Variants in PDE8B observed in about 807,000 individuals in gnomAD.
PDE8B encodes high affinity cAMP-specific and IBMX-insensitive 3',5'-cyclic phosphodiesterase 8B.
PDE8B carries 26 observed loss-of-function variants against 101.3 expected under a neutral mutation model. That is an observed-to-expected ratio of 0.26 (90% CI 0.19 to 0.36). The LOEUF (loss-of-function observed/expected upper bound fraction) is 0.36, where lower values mean the gene tolerates loss of function less well. Among genes scored for constraint, PDE8B ranks in the 10% least tolerant of loss-of-function variants. The probability of loss-of-function intolerance (pLI) is 1.00; values close to 1 mark genes in which losing one functional copy is unlikely to be tolerated. For synonymous variants in PDE8B, 424 were observed against 429.3 expected (o/e 0.99, Z 0.15); for missense variants, 810 against 1,163.1 (o/e 0.70, Z 4.42).
intron 7 of PDE8B, among the ~76,000 whole-genome samples, chr5:77,349,169 ACAGG>A (rs1780650846): frequency 6.6e-6 from 1 of 152,052 alleles, no homozygotes; most frequent in Non-Finnish European, 1.5e-5. Context: ...CTGATATCCT[ACAGG>A]GGATCAGGAT....
chr5:77,247,628 C>T (rs957915264), intron 1 of PDE8B, among the ~76,000 whole-genome samples: 9 of 152,134 alleles, frequency 5.9e-5, no homozygotes, highest in African/African-American at 2.2e-4. Flanking sequence ...ACCCTTCATC[C>T]TCATGAGATC....
the PDE8B span, among the ~76,000 whole-genome samples, chr5:77,178,216 CT>C: frequency 6.6e-6 from 1 of 151,918 alleles, no homozygotes; most frequent in African/African-American, 2.4e-5. Context: ...TGCCTTTATC[CT>C]TCCTCATCAT....
the PDE8B span, among the ~76,000 whole-genome samples, chr5:77,152,767 G>A: frequency 2.1e-5 from 3 of 143,758 alleles, no homozygotes; most frequent in Non-Finnish European, 3.1e-5. Context: ...CCCTGCCCTC[G>A]CCCTCACCCT....
chr5:77,124,257 G>C, the PDE8B span, among the ~76,000 whole-genome samples: 1 of 152,146 alleles, frequency 6.6e-6, no homozygotes, highest in Non-Finnish European at 1.5e-5. Flanking sequence ...AAACAACAGA[G>C]ACTATGGAAT....
At chr5:77,103,681 G>A in the PDE8B span, among the ~76,000 whole-genome samples, 1 of 152,168 alleles carries the variant, frequency 6.6e-6, no homozygotes, top group Non-Finnish European at 1.5e-5. Flanking sequence ...TGTGGGGAAG[G>A]GTGATGAGGG....
the PDE8B span, among the ~76,000 whole-genome samples, chr5:77,095,109 A>G: frequency 4.6e-5 from 7 of 152,224 alleles, no homozygotes; most frequent in African/African-American, 1.7e-4. Flanking sequence ...GATGAGAGGA[A>G]TGAGCAGGAG....
chr5:77,331,462 A>G lies in PDE8B; in HGVS notation c.708+3A>G, dbSNP rs747800786. The G allele has an allele frequency of 6.2e-6, 10 of 1,609,288 alleles. No homozygotes were observed. The highest frequency in any genetic ancestry group is 8.5e-6 in the Non-Finnish European group (10 of 1,175,798). On this transcript the variant is annotated splice_donor_region_variant and intron_variant, in intron 5 of 21. Transcript: ENST00000264917. ...TTCTCCACGCAGGCTTCAACAGGGT[A>G]TGTACAAGATATCCAGCATCTCTCT...
At chr5:77,365,951 T>C (rs1446675897) in intron 10 of PDE8B, among the ~76,000 whole-genome samples, 1 of 152,224 alleles carries the variant, frequency 6.6e-6, no homozygotes, top group Non-Finnish European at 1.5e-5. Context: ...GGGCCTGACC[T>C]GAAGGCACTT....
chr5:77,290,145 A>G, intron 1 of PDE8B: 1 of 1,290,140 alleles, frequency 7.8e-7, no homozygotes, highest in Non-Finnish European at 1.1e-6. Context: ...CCACGTGTGG[A>G]AAATGAATTC....
chr5:77,131,805 T>A, the PDE8B span, among the ~76,000 whole-genome samples: 1 of 152,168 alleles, frequency 6.6e-6, no homozygotes, highest in East Asian at 1.9e-4. Context: ...TTTACAAAAT[T>A]ATACAACCAT....
the PDE8B span, among the ~76,000 whole-genome samples, chr5:77,185,300 A>C: frequency 5.9e-5 from 9 of 152,308 alleles, no homozygotes; most frequent in Non-Finnish European, 5.9e-5. Flanking sequence ...TCTGGAGGCT[A>C]AAAGCCTCAG....
chr5:77,408,140 G>C (rs565241655), intron 13 of PDE8B, among the ~76,000 whole-genome samples: 34 of 152,306 alleles, frequency 2.2e-4, no homozygotes, highest in Admixed American at 5.2e-4. Context: ...TATAGCTGTG[G>C]AGGTGGAGAG....
chr5:77,399,655 C>T (rs1791828614), intron 10 of PDE8B, among the ~76,000 whole-genome samples: 2 of 152,166 alleles, frequency 1.3e-5, no homozygotes, highest in African/African-American at 4.8e-5. Context: ...TGTCATTTGA[C>T]AGACATTTAT....
rs147841210 is a variant in PDE8B at position 77,234,701 on chromosome 5, C to G, written c.339+23437C>G. ...ATCCTCTCTCCTCCAGATTCTTCCC[C>G]AAGATTCCTAGACCCCTGACGTCCA... On this transcript the variant is annotated intron_variant, in intron 1 of 21. Coordinates refer to ENST00000264917, the MANE Select transcript of PDE8B (RefSeq NM_003719.5). Among the ~76,000 whole-genome samples, 109 of 152,292 alleles carry G rather than the reference C, an allele frequency of 7.2e-4. 2 individuals carry two copies. The East Asian group carries it at 0.014, about 20-fold the overall frequency.
chr5:77,377,105 T>C (rs1377984954), intron 10 of PDE8B, among the ~76,000 whole-genome samples: 6 of 147,320 alleles, frequency 4.1e-5, no homozygotes, highest in Non-Finnish European at 9.3e-5. Flanking sequence ...AGCATAAAAG[T>C]GAGGAGACAA....
At chr5:77,422,364 G>A (rs1218698715) in intron 20 of PDE8B, among the ~76,000 whole-genome samples, 4 of 152,120 alleles carry the variant, frequency 2.6e-5, no homozygotes, top group African/African-American at 7.2e-5. Flanking sequence ...TCGCGGCCAC[G>A]GGGAGTTCCA....
intron 10 of PDE8B, among the ~76,000 whole-genome samples, chr5:77,363,413 G>T (rs1261546477): frequency 3.3e-5 from 5 of 152,114 alleles, no homozygotes; most frequent in Non-Finnish European, 5.9e-5. Context: ...TTGAGCAGTG[G>T]ATAGAATATG....
At chr5:77,168,052 A>C in the PDE8B span, among the ~76,000 whole-genome samples, 1 of 152,216 alleles carries the variant, frequency 6.6e-6, no homozygotes, top group Non-Finnish European at 1.5e-5. Context: ...GTGACACAGG[A>C]TCTAATTTTC....
At chr5:77,393,132 G>A (rs954441966) in intron 10 of PDE8B, among the ~76,000 whole-genome samples, 4 of 152,162 alleles carry the variant, frequency 2.6e-5, no homozygotes, top group African/African-American at 7.2e-5. Context: ...AGTGGCTCAC[G>A]CCTGTAATCC....
Sources: allele counts gnomAD v4.1 joint callset (sites outside exome capture counted in the v4.1 genomes callset), GRCh38; gene constraint gnomAD v4.1.1; transcripts MANE v1.5; gene names NCBI Gene and HGNC (gene_info 2026-07-23, HGNC 2026-07-21).